Variants in KDF1 observed in about 807,000 individuals in gnomAD.
KDF1 encodes the protein RP11-344H11.3.
KDF1 carries 11 observed loss-of-function variants against 31.6 expected under a neutral mutation model. The observed-to-expected ratio is 0.35, with a 90% CI of 0.22 to 0.58. KDF1 has a LOEUF of 0.58. Among genes scored for constraint, KDF1 ranks in the 20% least tolerant of loss-of-function variants. The pLI is 0.83. For synonymous variants in KDF1, 205 were observed against 214.4 expected, an observed-to-expected ratio of 0.96 and a Z score of 0.38; for missense variants, 476 against 549.1, an observed-to-expected ratio of 0.87 and a Z score of 1.33.
chr1:26,958,898 C>A (rs2082388886), intron 1 of KDF1, among the ~76,000 whole-genome samples: 1 of 152,158 alleles, frequency 6.6e-6, no homozygotes, highest in South Asian at 2.1e-4. Context: ...TGTCTTCTCC[C>A]CAACCTCCAA....
chr1:26,955,735 T>C (rs2082374601), intron 1 of KDF1, among the ~76,000 whole-genome samples: 1 of 152,134 alleles, frequency 6.6e-6, no homozygotes, highest in Non-Finnish European at 1.5e-5. Context: ...GGCGGGTGGA[T>C]CACGAGGTCA....
Position 26,951,971 on chromosome 1 carries a change from C to A in KDF1, c.410G>T (p.Ser137Ile), listed in dbSNP as rs758768470. 4.4e-6 allele frequency: 7 copies of A among 1,609,018 alleles called. No homozygotes were observed. The highest frequency in any genetic ancestry group is 2.2e-5 in the East Asian group (1 of 44,756). The change falls in exon 2 of 4, where the codon AGC becomes ATC. Residue 137 changes from serine to isoleucine, a missense_variant. Ser to Ile is a moderately radical substitution (Grantham distance 142). This residue lies in a region of KDF1 where 330 missense variants were observed against 332.3 expected (regional missense o/e 0.99). Transcript: ENST00000320567. This position sits in a 1 kb window ranked among gnomAD's most constrained non-coding sequence, Gnocchi z 5.4. ...CCGGCTGGGGGGTGCACGATCAGGG[C>A]TGGGGGGCACTCCATTGTGCTCCTT... Reference protein sequence around the residue: ...WAKEHNGVPPSPDRAPPSRRD... With the variant: ...WAKEHNGVPPIPDRAPPSRRD...
rs904085328 is a variant in KDF1 at position 26,949,572 on chromosome 1, A to G, written c.*497T>C. ...GCAGGCAGATACCAATTACCTTTGTACTTACAAACTGTGGTCATGTTAAGA... is the reference window on the plus strand; with the variant it reads ...GCAGGCAGATACCAATTACCTTTGTGCTTACAAACTGTGGTCATGTTAAGA... On this transcript the variant is annotated 3_prime_UTR_variant, in exon 4 of 4. Coordinates refer to ENST00000320567, the MANE Select transcript of KDF1 (RefSeq NM_152365.3). 1.3e-5 allele frequency: 2 copies of G among 158,934 alleles called. No homozygotes were observed. Among genetic ancestry groups the G allele is most frequent in the Admixed American group, 1.2e-4 (2 of 16,414 alleles). 9.8% of individuals were successfully genotyped at this position (158,934 alleles called of 1,614,324 possible).
In KDF1 at chr1:26,952,101, G is replaced by C; in HGVS notation, c.280C>G (p.Arg94Gly). 1.2e-6 allele frequency: 2 copies of C among 1,613,326 alleles called. No individual in the cohort carries two copies. The highest frequency in any genetic ancestry group is 2.2e-5 in the East Asian group (1 of 44,874). ...EWCRAAFCFRRCRDCLQRCGA... is the reference protein window; with the variant it reads ...EWCRAAFCFRGCRDCLQRCGA... ...CAGCGCTGGAGGCAATCCCGGCAGCGGCGGAAGCAGAAGGCAGCCCGGCAC... is the reference window on the plus strand; with the variant it reads ...CAGCGCTGGAGGCAATCCCGGCAGCCGCGGAAGCAGAAGGCAGCCCGGCAC... The change falls in exon 2 of 4, where the codon CGC becomes GGC. Residue 94 changes from arginine (R) to glycine (G), a missense_variant. Arg to Gly is a moderately radical substitution (Grantham distance 125, BLOSUM62 -2). Around this residue, in one of 2 missense-constraint regions of KDF1, gnomAD observed 330 missense variants for 332.3 expected, o/e 0.99. Coordinates refer to ENST00000320567, the MANE Select transcript of KDF1 (RefSeq NM_152365.3). This position sits in a 1 kb window ranked among gnomAD's most constrained non-coding sequence, Gnocchi z 4.1.
Position 26,950,760 on chromosome 1 carries a change from G to A in KDF1, c.1040-4C>T, listed in dbSNP as rs766993862. The A allele has an allele frequency of 6.2e-7, 1 of 1,613,848 alleles. No homozygotes were observed. The highest frequency in any genetic ancestry group is 8.5e-7 in the Non-Finnish European group (1 of 1,179,746). On this transcript the variant is annotated splice_region_variant and splice_polypyrimidine_tract_variant and intron_variant, in intron 2 of 3. Transcript: ENST00000320567. This position sits in a 1 kb window ranked among gnomAD's most constrained non-coding sequence, Gnocchi z 4.0. ...TGGGAGATCTGCACTGTCAGCTCTA[G>A]GGAGGGAACGTGAGGCAAGCAGTGG...
chr1:26,957,609 G>A (rs932996484), intron 1 of KDF1, among the ~76,000 whole-genome samples: 2 of 152,132 alleles, frequency 1.3e-5, no homozygotes, highest in African/African-American at 4.8e-5. Flanking sequence ...ATGGATGGGG[G>A]ATAGGAGGTG....
At position 26,952,160 on chromosome 1, in the gene KDF1, C is replaced by G. The variant is rs772925863; in HGVS notation, c.221G>C (p.Cys74Ser). The part of the protein sequence containing the change: ...SAEPALESPT[C>S]CLLWRPWVWE... Reference sequence around the variant, plus strand: ...CACCCAGGGTCGCCAGAGCAGGCAGCAGGTGGGGGACTCAAGGGCCGGCTC... The same window carrying G: ...CACCCAGGGTCGCCAGAGCAGGCAGGAGGTGGGGGACTCAAGGGCCGGCTC... Residue 74 changes from cysteine (C) to serine (S), a missense_variant, in exon 2 of 4, where the codon TGC becomes TCC. Cys to Ser is a moderately radical substitution (Grantham distance 112). This residue lies in a region of KDF1 where 330 missense variants were observed against 332.3 expected (regional missense o/e 0.99). Transcript: ENST00000320567. The surrounding 1 kb of genome is among the most constrained non-coding windows in gnomAD (Gnocchi z 4.1). 3.8e-5 allele frequency: 61 copies of G among 1,613,478 alleles called. No homozygotes were observed. Among genetic ancestry groups the G allele is most frequent in the Non-Finnish European group, 5.0e-5 (59 of 1,179,856 alleles).
At chr1:26,957,447 A>G (rs766937591) in intron 1 of KDF1, among the ~76,000 whole-genome samples, 3 of 152,100 alleles carry the variant, frequency 2.0e-5, no homozygotes, top group Non-Finnish European at 4.4e-5. Context: ...AAGTGCAGGG[A>G]CTGTGTGTAA....
At chr1:26,955,812 G>A (rs900108293) in intron 1 of KDF1, among the ~76,000 whole-genome samples, 7 of 152,100 alleles carry the variant, frequency 4.6e-5, no homozygotes, top group African/African-American at 1.7e-4. Flanking sequence ...AAAATTAGCT[G>A]GGCGTGGTGG....
At chr1:26,957,673 G>T (rs180675880) in intron 1 of KDF1, among the ~76,000 whole-genome samples, 1 of 152,156 alleles carries the variant, frequency 6.6e-6, no homozygotes, top group Non-Finnish European at 1.5e-5. Flanking sequence ...ATTCTAACAG[G>T]TGATTTTAAA....
In KDF1 at chr1:26,951,286, C is replaced by T; in HGVS notation, c.1039+56G>A. 6.9e-7 allele frequency: 1 copy of T among 1,445,842 alleles called. No individual in the cohort carries two copies. Among genetic ancestry groups the T allele is most frequent in the South Asian group, 1.4e-5 (1 of 69,870 alleles). 89.6% of individuals were successfully genotyped at this position (1,445,842 alleles called of 1,614,324 possible). On this transcript the variant is annotated intron_variant, in intron 2 of 3. Transcript: ENST00000320567. This position sits in a 1 kb window ranked among gnomAD's most constrained non-coding sequence, Gnocchi z 5.4. ...TGACTAAAGACCCCATTCCAACCCT[C>T]CCCTGGCCAGAGCCTCCCCTACTCT...
chr1:26,955,007 G>A (rs1032216750), intron 1 of KDF1, among the ~76,000 whole-genome samples: 7 of 151,284 alleles, frequency 4.6e-5, no homozygotes, highest in Non-Finnish European at 7.4e-5. Flanking sequence ...ACAGACGTCC[G>A]CTACCACGCC....
Position 26,952,333 on chromosome 1 carries a change from C to G in KDF1, c.48G>C (p.Leu16Phe). ...HPRPASGPPR[L>F]GPWERPTELC... ...GCTCTGTTGGCCGCTCCCACGGTCC[C>G]AAGCGTGGAGGCCCAGATGCTGGGC... The change falls in exon 2 of 4, where the codon TTG (leucine) becomes TTC (phenylalanine). Residue 16 changes from leucine to phenylalanine, a missense_variant. Transcript: ENST00000320567. This position sits in a 1 kb window ranked among gnomAD's most constrained non-coding sequence, Gnocchi z 4.1. 10 of 1,522,942 alleles carry G rather than the reference C, an allele frequency of 6.6e-6. No individual in the cohort carries two copies. The South Asian group carries it at 1.2e-4, about 18-fold the overall frequency. The allele number at this position is 1,522,942 out of a possible 1,614,324, so 94.3% of individuals were successfully genotyped here. A position where few individuals can be genotyped will look rare whatever the true frequency, so the allele number is the denominator to read the frequency against.
chr1:26,952,324 C>G lies in KDF1; in HGVS notation c.57G>C (p.Trp19Cys). Residue 19 changes from tryptophan to cysteine, a missense_variant, in exon 2 of 4, where the codon TGG becomes TGC. By Grantham distance (215) the Trp-to-Cys change is radical (BLOSUM62 -2). This residue lies in a region of KDF1 where 330 missense variants were observed against 332.3 expected (regional missense o/e 0.99). Coordinates refer to ENST00000320567, the MANE Select transcript of KDF1 (RefSeq NM_152365.3). This position sits in a 1 kb window ranked among gnomAD's most constrained non-coding sequence, Gnocchi z 4.1. Reference sequence around the variant, plus strand: ...CCAGACATAGCTCTGTTGGCCGCTCCCACGGTCCCAAGCGTGGAGGCCCAG... The same window carrying G: ...CCAGACATAGCTCTGTTGGCCGCTCGCACGGTCCCAAGCGTGGAGGCCCAG... ...PASGPPRLGP[W>C]ERPTELCLET... The G allele has an allele frequency of 6.5e-7, 1 of 1,527,442 alleles. No individual in the cohort carries two copies. The highest frequency in any genetic ancestry group is 8.8e-7 in the Non-Finnish European group (1 of 1,137,222). 94.6% of individuals were successfully genotyped at this position (1,527,442 alleles called of 1,614,324 possible). A position where few individuals can be genotyped will look rare whatever the true frequency, so the allele number is the denominator to read the frequency against.
rs2082340397 is a variant in KDF1, at chr1:26,950,120, C to T, written c.1146G>A (p.Gln382=). 6.2e-7 allele frequency: 1 copy of T among 1,613,758 alleles called. No individual in the cohort carries two copies. Among genetic ancestry groups the T allele is most frequent in the Admixed American group, 1.7e-5 (1 of 59,972 alleles). The change falls in exon 4 of 4, where the codon CAG becomes CAA. Residue 382 remains glutamine (Q), a synonymous_variant. Coordinates refer to ENST00000320567, the MANE Select transcript of KDF1 (RefSeq NM_152365.3). The surrounding 1 kb of genome is among the most constrained non-coding windows in gnomAD (Gnocchi z 4.0). ...GYPASHDSSF[Q]GTDTDSSGAP... The stretch of plus-strand genomic sequence containing the variant: ...CCCCCGACGAGTCTGTGTCGGTGCC[C>T]TGGAAGGATGAGTCATGGCTTGCTG...
At chr1:26,956,657 GATA>G (rs1333423008) in intron 1 of KDF1, among the ~76,000 whole-genome samples, 2 of 152,196 alleles carry the variant, frequency 1.3e-5, no homozygotes, top group Non-Finnish European at 2.9e-5. Flanking sequence ...TTGGAAATTG[GATA>G]ATGTGAATAA....
chr1:26,956,184 C>T (rs758556121), intron 1 of KDF1, among the ~76,000 whole-genome samples: 38 of 152,074 alleles, frequency 2.5e-4, no homozygotes, highest in African/African-American at 8.4e-4. Context: ...GGTCTTAAAC[C>T]GGGGGTGTGT....
chr1:26,951,089 C>T lies in KDF1; in HGVS notation c.1039+253G>A, dbSNP rs2082345901. Among the ~76,000 whole-genome samples the T allele has an allele frequency of 6.6e-6, 1 of 152,166 alleles. No individual in the cohort carries two copies. Among genetic ancestry groups the T allele is most frequent in the African/African-American group, 2.4e-5 (1 of 41,436 alleles). ...TGTTGAATGCAGAGGGAACCTTGAC[C>T]TTTCTGGGGACAGCAGCGATGGCCA... On this transcript the variant is annotated intron_variant, in intron 2 of 3. Coordinates refer to ENST00000320567, the MANE Select transcript of KDF1 (RefSeq NM_152365.3). The surrounding 1 kb of genome is among the most constrained non-coding windows in gnomAD (Gnocchi z 5.4).
rs2082344809 is a variant in KDF1, at chr1:26,950,835, A to C, written c.1040-79T>G. On this transcript the variant is annotated intron_variant, in intron 2 of 3. Transcript: ENST00000320567. This position sits in a 1 kb window ranked among gnomAD's most constrained non-coding sequence, Gnocchi z 4.0. ...ATTTCCTACTTCTGTTCCCAGCCCG[A>C]TGAGGGAGGAGCCACTCACTCCTGG... The C allele has an allele frequency of 7.7e-7, 1 of 1,296,662 alleles. No individual in the cohort carries two copies. Among genetic ancestry groups the C allele is most frequent in the Admixed American group, 1.7e-5 (1 of 58,098 alleles). The allele number at this position is 1,296,662 out of a possible 1,614,324, so 80.3% of individuals were successfully genotyped here. A position where few individuals can be genotyped will look rare whatever the true frequency, so the allele number is the denominator to read the frequency against.
Sources: gnomAD v4.1 joint callset for allele counts (sites outside exome capture counted in the v4.1 genomes callset) on GRCh38, gnomAD v4.1.1 for gene constraint, gnomAD v4.1.1 regional missense constraint, Gnocchi (gnomAD v3.1) non-coding constraint, MANE v1.5 for transcripts, NCBI Gene and HGNC (gene_info 2026-07-23, HGNC 2026-07-21) for gene names.